Variants in TNIP3 observed in about 807,000 individuals in gnomAD.
TNIP3 encodes TNFAIP3 interacting protein 3.
In TNIP3, 34 loss-of-function variants were observed where a neutral mutation model predicts 54.1. The observed-to-expected ratio is 0.63, with a 90% CI of 0.48 to 0.84. The LOEUF is 0.84. TNIP3 is among the 40% of genes least tolerant of loss of function. The pLI is 0.00. For missense variants in TNIP3, 366 were observed against 387.6 expected (o/e 0.94, Z 0.47); for synonymous variants, 134 against 136.8 (o/e 0.98, Z 0.14).
rs371895993 is a variant in TNIP3, at chr4:121,156,804, G to A, written c.363+290C>T. Among the ~76,000 whole-genome samples the A allele has an allele frequency of 5.9e-5, 9 of 152,264 alleles. No individual in the cohort carries two copies. The East Asian group carries it at 1.5e-3, about 26-fold the overall frequency. On this transcript the variant is annotated intron_variant, in intron 4 of 10. Transcript: ENST00000057513. ...TAGGCTGAAATGCCCTAGAGAGTTA[G>A]CAAATTTATGGATCCGTTTTCTTCT...
Position 121,186,396 on chromosome 4 carries a change from T to C in TNIP3, c.69-3600A>G, listed in dbSNP as rs115139859. The stretch of plus-strand genomic sequence containing the variant: ...GACTTGCACTCACTGTCTTTTCTCA[T>C]TGCCAATATGATTGACATTGTCACT... On this transcript the variant is annotated intron_variant, in intron 2 of 12. Coordinates refer to the TNIP3 transcript ENST00000507879. Among the ~76,000 whole-genome samples, 652 of 152,272 alleles carry C rather than the reference T, an allele frequency of 4.3e-3. 6 individuals carry two copies. The highest frequency in any genetic ancestry group is 0.015 in the African/African-American group (624 of 41,552).
At chr4:121,207,473 G>A (rs955055563) in intron 2 of TNIP3, among the ~76,000 whole-genome samples, 3 of 152,106 alleles carry the variant, frequency 2.0e-5, no homozygotes, top group Non-Finnish European at 2.9e-5. Flanking sequence ...TTAATTGTAC[G>A]CAGATATCTT....
At chr4:121,167,200 A>G (rs1267420977), upstream of TNIP3, among the ~76,000 whole-genome samples, 1 of 152,206 alleles carries the variant, frequency 6.6e-6, no homozygotes, top group Non-Finnish European at 1.5e-5. Flanking sequence ...AAACAAAAGC[A>G]AAAATTCCCT....
chr4:121,166,905 A>G (rs2148818805), upstream of TNIP3, among the ~76,000 whole-genome samples: 1 of 152,278 alleles, frequency 6.6e-6, no homozygotes, highest in South Asian at 2.1e-4. Context: ...CTAGAATTAG[A>G]TTATCTGGAC....
At chr4:121,139,990 T>A (rs1729017629) in intron 9 of TNIP3, among the ~76,000 whole-genome samples, 1 of 152,268 alleles carries the variant, frequency 6.6e-6, no homozygotes, top group Non-Finnish European at 1.5e-5. Flanking sequence ...GATTTGGTTG[T>A]AAACTCTACT....
intron 3 of TNIP3, among the ~76,000 whole-genome samples, chr4:121,173,616 C>T (rs1401316641): frequency 6.6e-6 from 1 of 152,006 alleles, no homozygotes; most frequent in African/African-American, 2.4e-5. Context: ...GTGTTGACTT[C>T]ACCTTCATTC....
intron 5 of TNIP3, among the ~76,000 whole-genome samples, chr4:121,151,054 A>G (rs190282853): frequency 1.3e-5 from 2 of 152,358 alleles, no homozygotes; most frequent in East Asian, 3.8e-4. Flanking sequence ...TGGTAATATC[A>G]TATGAAAGAC....
chr4:121,157,285 A>G, intron 3 of TNIP3, 42 bp from the exon 4 acceptor site: 1 of 1,613,032 alleles, frequency 6.2e-7, no homozygotes, highest in Non-Finnish European at 8.5e-7. Context: ...ACCTTCTCTG[A>G]AGCTCACAAG....
At chr4:121,162,303 A>G (rs193093962) in intron 1 of TNIP3, among the ~76,000 whole-genome samples, 317 of 152,290 alleles carry the variant, frequency 2.1e-3, no homozygotes, top group African/African-American at 7.2e-3. Flanking sequence ...ATTTTAAGTA[A>G]GCAGAGATGT....
At chr4:121,132,917 G>A (rs944255983) in intron 10 of TNIP3, among the ~76,000 whole-genome samples, 1 of 152,110 alleles carries the variant, frequency 6.6e-6, no homozygotes, top group African/African-American at 2.4e-5. Context: ...GAGGAGGAAT[G>A]TTCTATACTA....
intron 2 of TNIP3, among the ~76,000 whole-genome samples, chr4:121,213,708 C>T (rs373011696): frequency 1.4e-5 from 2 of 138,624 alleles, no homozygotes; most frequent in East Asian, 4.1e-4. Flanking sequence ...GCCTGGGCGA[C>T]AGAGTAAGAC....
intron 2 of TNIP3, among the ~76,000 whole-genome samples, chr4:121,190,809 A>C (rs1031872107): frequency 1.3e-5 from 2 of 152,318 alleles, no homozygotes; most frequent in Non-Finnish European, 2.9e-5. Flanking sequence ...TTCTTCATAA[A>C]AGCTCAAAGA....
At chr4:121,153,402 T>A (rs887388587) in intron 5 of TNIP3, among the ~76,000 whole-genome samples, 3 of 152,148 alleles carry the variant, frequency 2.0e-5, no homozygotes, top group Non-Finnish European at 4.4e-5. Context: ...AAACTTGTAA[T>A]ACGGTATCAA....
At chr4:121,203,681 C>A (rs1247223066) in intron 2 of TNIP3, among the ~76,000 whole-genome samples, 1 of 151,854 alleles carries the variant, frequency 6.6e-6, no homozygotes, top group Non-Finnish European at 1.5e-5. Context: ...GGTTATTGGA[C>A]CATGTATTTT....
At chr4:121,190,121 A>C (rs549658754) in intron 2 of TNIP3, among the ~76,000 whole-genome samples, 1 of 152,222 alleles carries the variant, frequency 6.6e-6, no homozygotes, top group Admixed American at 6.5e-5. Context: ...ACTGCTCTGC[A>C]TGGGTGAAAC....
chr4:121,151,005 A>G (rs1215074458), intron 5 of TNIP3, among the ~76,000 whole-genome samples: 1 of 152,234 alleles, frequency 6.6e-6, no homozygotes, highest in African/African-American at 2.4e-5. Flanking sequence ...TATCATCTTT[A>G]GTCATTAGCT....
chr4:121,171,124 A>T (rs1163437895), intron 3 of TNIP3, among the ~76,000 whole-genome samples: 1 of 152,150 alleles, frequency 6.6e-6, no homozygotes, highest in Non-Finnish European at 1.5e-5. Context: ...CCAGTAAGGG[A>T]TATCTTTTGT....
intron 1 of TNIP3, among the ~76,000 whole-genome samples, chr4:121,227,214 C>G (rs191675483): frequency 1.3e-5 from 2 of 152,028 alleles, no homozygotes; most frequent in East Asian, 1.9e-4. Context: ...TATTTCTCAC[C>G]GGGAACACAT....
chr4:121,210,673 G>A (rs1044529112), intron 2 of TNIP3, among the ~76,000 whole-genome samples: 1 of 152,126 alleles, frequency 6.6e-6, no homozygotes, highest in African/African-American at 2.4e-5. Context: ...GGCTTGCAGT[G>A]TGCTCAAATG....
Sources: allele counts gnomAD v4.1 joint callset (sites outside exome capture counted in the v4.1 genomes callset), GRCh38; gene constraint gnomAD v4.1.1; transcripts MANE v1.5; gene names NCBI Gene and HGNC (gene_info 2026-07-23, HGNC 2026-07-21).